CHRM2: variants seen among roughly 807,000 people sequenced by gnomAD.
CHRM2 encodes cholinergic receptor muscarinic 2.
In CHRM2, 8 loss-of-function variants were observed where a neutral mutation model predicts 25.0. That is an observed-to-expected ratio of 0.32 (90% CI 0.19 to 0.58). The LOEUF (loss-of-function observed/expected upper bound fraction) is 0.58. Among genes scored for constraint, CHRM2 ranks in the 20% least tolerant of loss-of-function variants. CHRM2 has a pLI of 0.88. For synonymous variants in CHRM2, 202 were observed against 205.7 expected (o/e 0.98, Z 0.15); for missense variants, 440 against 567.1 (o/e 0.78, Z 2.28).
intron 2 of CHRM2, among the ~76,000 whole-genome samples, chr7:136,955,373 TC>T (rs1269954721): frequency 1.3e-5 from 2 of 152,210 alleles, no homozygotes; most frequent in Admixed American, 6.5e-5. Context: ...TTTGTTTACT[TC>T]CTTGGAATAC....
rs147827416 is a variant in CHRM2 at position 136,895,429 on chromosome 7, A to G, written c.-125+26011A>G. On this transcript the variant is annotated intron_variant, in intron 2 of 3. Transcript: ENST00000680005. ...AGCGGTTTTCCTAAATTTCATTCCCATCTCTCCATTAGCCCAGAAGTTATA... is the reference window on the plus strand; with the variant it reads ...AGCGGTTTTCCTAAATTTCATTCCCGTCTCTCCATTAGCCCAGAAGTTATA... Among the ~76,000 whole-genome samples, 585 of 152,290 alleles carry G rather than the reference A, an allele frequency of 3.8e-3. 6 individuals are homozygous for G. The highest frequency in any genetic ancestry group is 0.013 in the African/African-American group (559 of 41,560).
chr7:136,970,235 T>A (rs1801673032), intron 2 of CHRM2, among the ~76,000 whole-genome samples: 1 of 152,142 alleles, frequency 6.6e-6, no homozygotes. Flanking sequence ...TATTTCTAGC[T>A]TTATATCTTG....
At chr7:136,919,675 T>G (rs746179944) in intron 2 of CHRM2, among the ~76,000 whole-genome samples, 1 of 152,154 alleles carries the variant, frequency 6.6e-6, no homozygotes. Flanking sequence ...CAATGTACCG[T>G]GGTGTTGTAC....
At position 136,895,230 on chromosome 7, in the gene CHRM2, TC is replaced by T. The variant is rs1467808421; in HGVS notation, c.-125+25814del. Reference sequence around the variant, plus strand: ...CTGTGTGCTTCAGATAAGTCTCATTTCCAATTTGATAACATTTATGTGTGTC... The same window carrying T: ...CTGTGTGCTTCAGATAAGTCTCATTTCAATTTGATAACATTTATGTGTGTC... On this transcript the variant is annotated intron_variant, in intron 2 of 3. Coordinates refer to ENST00000680005, the MANE Select transcript of CHRM2 (RefSeq NM_001006630.2). Among the ~76,000 whole-genome samples the T allele has an allele frequency of 2.0e-5, 3 of 152,346 alleles. No individual in the cohort carries two copies. The East Asian group carries it at 5.8e-4, about 29-fold the overall frequency.
intron 3 of CHRM2, among the ~76,000 whole-genome samples, chr7:137,012,358 T>C (rs1052172327): frequency 6.6e-6 from 1 of 152,024 alleles, no homozygotes; most frequent in African/African-American, 2.4e-5. Context: ...GTATGATTAA[T>C]TGCAAAAAAG....
At chr7:136,897,026 T>G (rs555862320) in intron 2 of CHRM2, among the ~76,000 whole-genome samples, 1 of 151,670 alleles carries the variant, frequency 6.6e-6, no homozygotes, top group African/African-American at 2.4e-5. Flanking sequence ...AAAGTTAATG[T>G]CAGTGTGGTA....
At chr7:137,003,827 C>T (rs1191145630) in intron 3 of CHRM2, among the ~76,000 whole-genome samples, 1 of 152,086 alleles carries the variant, frequency 6.6e-6, no homozygotes, top group African/African-American at 2.4e-5. Context: ...TGGGAGGTAA[C>T]AATCATGGGG....
At chr7:137,001,778 G>C (rs1258825482) in intron 3 of CHRM2, among the ~76,000 whole-genome samples, 4 of 152,150 alleles carry the variant, frequency 2.6e-5, no homozygotes, top group Non-Finnish European at 5.9e-5. Flanking sequence ...TGACAAGGCT[G>C]TGTCTCATCT....
chr7:136,924,329 A>T lies in CHRM2; in HGVS notation c.-125+54911A>T, dbSNP rs578181842. On this transcript the variant is annotated intron_variant, in intron 2 of 3. Transcript: ENST00000680005. ...TGCACCCAGTAACTCGTCATTTAAC[A>T]TTAGGTATATCTCCAAATGCTATCC... is the stretch of plus-strand genomic sequence containing the variant. Among the ~76,000 whole-genome samples, 14 of 151,702 alleles carry T rather than the reference A, an allele frequency of 9.2e-5. No homozygotes were observed. The South Asian group carries it at 2.9e-3, about 32-fold the overall frequency.
chr7:136,879,113 T>C (rs1314504836), intron 2 of CHRM2, among the ~76,000 whole-genome samples: 1 of 151,906 alleles, frequency 6.6e-6, no homozygotes, highest in Non-Finnish European at 1.5e-5. Context: ...GCCTTCGTAG[T>C]TCCCTGGGAG....
intron 2 of CHRM2, among the ~76,000 whole-genome samples, chr7:136,914,755 C>G (rs1798016506): frequency 6.6e-6 from 1 of 151,902 alleles, no homozygotes; most frequent in African/African-American, 2.4e-5. Context: ...CCTACCTTAT[C>G]TCCCATATTG....
chr7:136,993,994 T>C (rs951518563), intron 3 of CHRM2, among the ~76,000 whole-genome samples: 1 of 152,140 alleles, frequency 6.6e-6, no homozygotes, highest in African/African-American at 2.4e-5. Flanking sequence ...CACTGTTTTG[T>C]TTAAAGGTTG....
chr7:137,004,289 T>C (rs1478213801), intron 3 of CHRM2, among the ~76,000 whole-genome samples: 1 of 152,188 alleles, frequency 6.6e-6, no homozygotes, highest in Non-Finnish European at 1.5e-5. Context: ...AAAAATGTAC[T>C]GAGGACATTT....
At chr7:136,927,189 T>C (rs12533847) in intron 2 of CHRM2, among the ~76,000 whole-genome samples, 36,376 of 152,184 alleles carry the variant, frequency 0.24, 5,725 homozygotes, top group Non-Finnish European at 0.35. Context: ...TCAATATGTA[T>C]TAGTTGTTAC....
chr7:136,926,028 G>A (rs1441386636), intron 2 of CHRM2, among the ~76,000 whole-genome samples: 2 of 152,122 alleles, frequency 1.3e-5, no homozygotes, highest in South Asian at 2.1e-4. Context: ...CTTGAGTCCA[G>A]GAGTTTGGGA....
intron 2 of CHRM2, chr7:136,907,857 T>G (rs1797638310): frequency 6.6e-6 from 1 of 151,964 alleles, no homozygotes; most frequent in Admixed American, 6.6e-5. Context: ...CCACGCTCTC[T>G]GATCCAGAGC....
rs1422300048 is a variant in CHRM2 at position 136,868,787 on chromosome 7, C to T, written c.-488C>T. ...ACACACACACACAGACACACACACACTCACACACTCCAGGCTGCGGGTTGG... is the reference window on the plus strand; with the variant it reads ...ACACACACACACAGACACACACACATTCACACACTCCAGGCTGCGGGTTGG... On this transcript the variant is annotated 5_prime_UTR_variant, in exon 1 of 4. Coordinates refer to ENST00000680005, the MANE Select transcript of CHRM2 (RefSeq NM_001006630.2). 6.6e-6 allele frequency: 1 copy of T among 152,318 alleles called. No individual in the cohort carries two copies. The highest frequency in any genetic ancestry group is 1.5e-5 in the Non-Finnish European group (1 of 68,222). 9.4% of individuals were successfully genotyped at this position (152,318 alleles called of 1,614,324 possible). A position where few individuals can be genotyped will look rare whatever the true frequency, so the allele number is the denominator to read the frequency against.
At chr7:136,964,232 T>C (rs1199214328) in intron 2 of CHRM2, among the ~76,000 whole-genome samples, 1 of 152,076 alleles carries the variant, frequency 6.6e-6, no homozygotes, top group Non-Finnish European at 1.5e-5. Flanking sequence ...TAAATATATA[T>C]ATATATGTTT....
At chr7:136,986,806 G>C (rs1470543827) in intron 2 of CHRM2, among the ~76,000 whole-genome samples, 1 of 151,970 alleles carries the variant, frequency 6.6e-6, no homozygotes, top group Non-Finnish European at 1.5e-5. Context: ...TTGTCTATAG[G>C]GACCGTTTTT....
Sources: allele counts gnomAD v4.1 joint callset (sites outside exome capture counted in the v4.1 genomes callset), GRCh38; gene constraint gnomAD v4.1.1; transcripts MANE v1.5; gene names NCBI Gene and HGNC (gene_info 2026-07-23, HGNC 2026-07-21).